EPHA7: variants seen among roughly 807,000 people sequenced by gnomAD.
The protein encoded by EPHA7 is ephrin type-A receptor 7.
Under a neutral mutation model 112.6 loss-of-function variants are expected in EPHA7, and 25 were observed. That is an observed-to-expected ratio of 0.22 (90% CI 0.16 to 0.31). EPHA7 has a LOEUF of 0.31. Among genes scored for constraint, EPHA7 ranks in the 10% least tolerant of loss-of-function variants. The pLI, the probability that EPHA7 is intolerant of heterozygous loss-of-function variation, is 1.00. For missense variants in EPHA7, 962 were observed against 1,212.6 expected, an observed-to-expected ratio of 0.79 and a Z score of 3.07; for synonymous variants, 437 against 406.5, an observed-to-expected ratio of 1.07 and a Z score of -0.90.
chr6:93,337,549 C>G (rs1024926399), intron 5 of EPHA7, among the ~76,000 whole-genome samples: 1 of 152,064 alleles, frequency 6.6e-6, no homozygotes, highest in African/African-American at 2.4e-5. Context: ...CCTCAAACAA[C>G]TACTTTAAAA....
rs1008305887 is a variant in EPHA7, at chr6:93,338,503, A to T, written c.1324+18214T>A. ...AACTCTCTTTCCAAATCGGTATTCC[A>T]ATAAATCATGTTTCTTTTTTGCCCA... On this transcript the variant is annotated intron_variant, in intron 5 of 16. Coordinates refer to ENST00000369303, the MANE Select transcript of EPHA7 (RefSeq NM_004440.4). Among the ~76,000 whole-genome samples the T allele has an allele frequency of 7.9e-5, 12 of 152,164 alleles. No individual in the cohort carries two copies. The East Asian group carries it at 2.1e-3, about 27-fold the overall frequency.
At position 93,255,870 on chromosome 6, in the gene EPHA7, G is replaced by T. The variant is rs780705162; in HGVS notation, c.2340C>A (p.Ser780=). The T allele has an allele frequency of 6.2e-7, 1 of 1,613,788 alleles. No individual in the cohort carries two copies. Among genetic ancestry groups the T allele is most frequent in the Non-Finnish European group, 8.5e-7 (1 of 1,179,978 alleles). ...LVCKVSDFGL[S]RVIEDDPEAV... is the part of the protein sequence containing the mutation. Reference sequence around the variant, plus strand: ...CTTCTGGATCATCCTCTATAACTCGGGACAGGCCAAAATCTGACACTTTAC... The same window carrying T: ...CTTCTGGATCATCCTCTATAACTCGTGACAGGCCAAAATCTGACACTTTAC... Residue 780 remains serine, a synonymous_variant, in exon 13 of 17, where the codon TCC becomes TCA. Coordinates refer to ENST00000369303, the MANE Select transcript of EPHA7 (RefSeq NM_004440.4).
At chr6:93,263,996 C>A in intron 8 of EPHA7, 81 bp from the exon 9 acceptor site, 1 of 970,136 alleles carries the variant, frequency 1.0e-6, no homozygotes, top group Non-Finnish European at 1.6e-6. Flanking sequence ...CTTAGTTACT[C>A]AACAACTTAC....
At chr6:93,279,550 A>C (rs1771630610) in intron 5 of EPHA7, among the ~76,000 whole-genome samples, 1 of 152,154 alleles carries the variant, frequency 6.6e-6, no homozygotes, top group Non-Finnish European at 1.5e-5. Flanking sequence ...CTGAATAGGC[A>C]AAATGTGGCA....
intron 5 of EPHA7, among the ~76,000 whole-genome samples, chr6:93,284,070 C>T (rs781731317): frequency 2.0e-5 from 3 of 152,132 alleles, no homozygotes; most frequent in African/African-American, 4.8e-5. Context: ...TACTCCATCC[C>T]AAAGTTCTCA....
At chr6:93,359,131 G>A (rs1005367730) in intron 3 of EPHA7, among the ~76,000 whole-genome samples, 10 of 152,176 alleles carry the variant, frequency 6.6e-5, no homozygotes, top group East Asian at 1.9e-4. Context: ...GTCCTCTGCC[G>A]AGAGAGGGTT....
At chr6:93,282,951 G>A (rs957659624) in intron 5 of EPHA7, among the ~76,000 whole-genome samples, 3 of 152,164 alleles carry the variant, frequency 2.0e-5, no homozygotes, top group East Asian at 1.9e-4. Context: ...CTTCTCCACC[G>A]TGCCTAGTCC....
At chr6:93,245,115 T>C (rs1189814699) in intron 16 of EPHA7, among the ~76,000 whole-genome samples, 183 bp downstream of exon 16, 1 of 152,180 alleles carries the variant, frequency 6.6e-6, no homozygotes, top group African/African-American at 2.4e-5. Flanking sequence ...GTTAAAAAGG[T>C]AATATGTTTA....
At chr6:93,252,329 TA>T (rs1277274233) in intron 14 of EPHA7, among the ~76,000 whole-genome samples, 1 of 151,992 alleles carries the variant, frequency 6.6e-6, no homozygotes. Context: ...TCCTAGCAAC[TA>T]AATTTTAATA....
intron 5 of EPHA7, among the ~76,000 whole-genome samples, chr6:93,353,217 C>T (rs922354275): frequency 2.0e-5 from 3 of 151,936 alleles, no homozygotes; most frequent in African/African-American, 4.8e-5. Flanking sequence ...CTCCGTTGTA[C>T]GTAACTTGAT....
chr6:93,372,120 G>T (rs1011261702), intron 3 of EPHA7, among the ~76,000 whole-genome samples: 4 of 152,070 alleles, frequency 2.6e-5, no homozygotes, highest in African/African-American at 9.7e-5. Context: ...AAGCTAAGGG[G>T]TGAATGATTT....
chr6:93,275,056 C>T (rs1771406002), intron 5 of EPHA7, among the ~76,000 whole-genome samples: 1 of 151,944 alleles, frequency 6.6e-6, no homozygotes, highest in African/African-American at 2.4e-5. Flanking sequence ...CTCACTCTTA[C>T]ACCAAAATAT....
chr6:93,391,985 T>G (rs924024185), intron 3 of EPHA7, among the ~76,000 whole-genome samples: 3 of 151,974 alleles, frequency 2.0e-5, no homozygotes, highest in Non-Finnish European at 4.4e-5. Flanking sequence ...TCAATTTCCT[T>G]AAATAAAATG....
At chr6:93,416,183 T>A (rs576909130) in intron 1 of EPHA7, among the ~76,000 whole-genome samples, 1 of 152,330 alleles carries the variant, frequency 6.6e-6, no homozygotes, top group South Asian at 2.1e-4. Flanking sequence ...AATTTCAACT[T>A]GTAACATCGA....
In EPHA7 at chr6:93,361,212, T is replaced by C. The variant is rs141233200; in HGVS notation, c.833-2801A>G. ...CATAAAAGTCTTAACATTTTTTCTT[T>C]GAAGTAATATTCTGTCTCAGTTCAG... On this transcript the variant is annotated intron_variant, in intron 3 of 16. Transcript: ENST00000369303. 1.6e-3 allele frequency among the ~76,000 whole-genome samples: 246 copies of C among 152,238 alleles called. 7 individuals carry two copies. In the East Asian group the frequency reaches 0.044, roughly 27 times the overall value.
intron 3 of EPHA7, among the ~76,000 whole-genome samples, chr6:93,394,731 T>C (rs1043326948): frequency 2.8e-4 from 42 of 151,830 alleles, no homozygotes; most frequent in African/African-American, 1.0e-3. Context: ...CTGTTTATTT[T>C]CAGTTCAAAC....
chr6:93,400,064 C>A (rs1778365034), intron 3 of EPHA7, among the ~76,000 whole-genome samples: 1 of 151,890 alleles, frequency 6.6e-6, no homozygotes, highest in Non-Finnish European at 1.5e-5. Context: ...AGGGGCATAT[C>A]CTACCGCACA....
chr6:93,383,393 A>G (rs922557616), intron 3 of EPHA7, among the ~76,000 whole-genome samples: 2 of 151,540 alleles, frequency 1.3e-5, no homozygotes, highest in Non-Finnish European at 2.9e-5. Context: ...CATAGATTCT[A>G]TCATGGTTCC....
At chr6:93,395,575 T>TCACACACACACACACA (rs4053540) in intron 3 of EPHA7, among the ~76,000 whole-genome samples, 3 of 145,440 alleles carry the variant, frequency 2.1e-5, no homozygotes, top group African/African-American at 7.6e-5. Flanking sequence ...TTTACTTATT[T>TCACACACACACACACA]CACACACACA....
Sources: gnomAD v4.1 joint callset for allele counts (sites outside exome capture counted in the v4.1 genomes callset) on GRCh38, gnomAD v4.1.1 for gene constraint, MANE v1.5 for transcripts, NCBI Gene and HGNC (gene_info 2026-07-23, HGNC 2026-07-21) for gene names.